Variants in RIF1 observed in about 807,000 individuals in gnomAD.
RIF1 encodes replication timing regulatory factor 1, also known as telomere-associated protein RIF1.
In RIF1, 45 loss-of-function variants were observed where a neutral mutation model predicts 247.1. The observed-to-expected ratio is 0.18, with a 90% CI of 0.14 to 0.23. The LOEUF is 0.23. Among genes scored for constraint, RIF1 ranks in the 10% least tolerant of loss-of-function variants. RIF1 has a pLI of 1.00. For synonymous variants in RIF1, 1,087 were observed against 978.8 expected (o/e 1.11, Z -2.06); for missense variants, 2,967 against 2,862.5 (o/e 1.04, Z -0.83).
chr2:151,420,621 C>G (rs893890316), intron 7 of RIF1, among the ~76,000 whole-genome samples: 2 of 151,188 alleles, frequency 1.3e-5, no homozygotes, highest in African/African-American at 4.9e-5. Flanking sequence ...CCTGTAGTCT[C>G]AGATGCTTGG....
rs1192742379 is a variant in RIF1, at chr2:151,428,494, G to C, written c.787-290G>C. Among the ~76,000 whole-genome samples the C allele has an allele frequency of 5.3e-5, 8 of 151,874 alleles. No individual in the cohort carries two copies. In the East Asian group the frequency reaches 1.6e-3, roughly 30 times the overall value. The stretch of plus-strand genomic sequence containing the variant: ...GATTTATCTGCTCTCCTAATTTTCT[G>C]TTTTAGAAATGTTCTGTGTTGTACA... On this transcript the variant is annotated intron_variant, in intron 8 of 35. Transcript: ENST00000444746.
chr2:151,418,968 CTTTTTTTTTTT>C (rs36020810), intron 6 of RIF1, among the ~76,000 whole-genome samples: 10 of 111,774 alleles, frequency 8.9e-5, no homozygotes, highest in African/African-American at 3.3e-4. Flanking sequence ...GCCTTAAATT[CTTTTTTTTTTT>C]TTTTTTTTTT....
chr2:151,446,320 C>T, intron 19 of RIF1, 106 bp from the exon 20 acceptor site: 1 of 1,081,750 alleles, frequency 9.2e-7, no homozygotes, highest in Non-Finnish European at 1.4e-6. Context: ...TTTTGACACA[C>T]TAAATGTTGC....
Position 151,480,552 on chromosome 2 carries a change from TGAGA to T in RIF1, c.*5484_*5487del, listed in dbSNP as rs369881653. 2.6e-5 allele frequency: 4 copies of T among 152,184 alleles called. No homozygotes were observed. The highest frequency in any genetic ancestry group is 6.5e-5 in the Admixed American group (1 of 15,282). 9.4% of individuals were successfully genotyped at this position (152,184 alleles called of 1,614,324 possible). On this transcript the variant is annotated 3_prime_UTR_variant, in exon 36 of 36. Coordinates refer to ENST00000444746, the MANE Select transcript of RIF1 (RefSeq NM_018151.5). ...TTATAATTGATGTTCATAAATACCCTGAGAGATTATGTTAAAATACATTATTAAT... is the reference window on the plus strand; with the variant it reads ...TTATAATTGATGTTCATAAATACCCTGATTATGTTAAAATACATTATTAAT...
intron 9 of RIF1, chr2:151,490,372 C>T: frequency 6.3e-7 from 1 of 1,587,618 alleles, no homozygotes; most frequent in Non-Finnish European, 8.6e-7. Context: ...GCACTTGTAC[C>T]TGTTGAGACT....
At chr2:151,512,756 G>C, downstream of RIF1, 1 of 1,613,654 alleles carries the variant, frequency 6.2e-7, no homozygotes, top group South Asian at 1.1e-5. Flanking sequence ...TTCTTGACTT[G>C]TTGGGCATGA....
At chr2:151,466,152 C>T (rs751949038) in intron 30 of RIF1, 32 bp downstream of exon 30, 1 of 1,357,410 alleles carries the variant, frequency 7.4e-7, no homozygotes, top group Non-Finnish European at 1.0e-6. Flanking sequence ...ATTAAGGAAC[C>T]CAGTATTTGG....
chr2:151,474,329 C>T (rs1366149080), intron 35 of RIF1, among the ~76,000 whole-genome samples: 1 of 152,184 alleles, frequency 6.6e-6, no homozygotes, highest in African/African-American at 2.4e-5. Flanking sequence ...AAGTAGTCTA[C>T]CATTTTTAAA....
At chr2:151,413,490 G>A (rs1193712798) in intron 3 of RIF1, among the ~76,000 whole-genome samples, 1 of 152,204 alleles carries the variant, frequency 6.6e-6, no homozygotes, top group African/African-American at 2.4e-5. Context: ...AATAGAACAT[G>A]TTTATATGTC....
intron 10 of RIF1, chr2:151,495,472 C>A (rs540891759): frequency 3.2e-5 from 4 of 123,084 alleles, no homozygotes; most frequent in Non-Finnish European, 7.3e-5. Flanking sequence ...TTTAGAAGCA[C>A]TGTACTCAAG....
chr2:151,438,533 A>T, intron 13 of RIF1, 151 bp from the exon 14 acceptor site: 2 of 602,054 alleles, frequency 3.3e-6, no homozygotes, highest in South Asian at 4.0e-5. Context: ...TGTTTTATAA[A>T]CTTACTACAG....
chr2:151,518,233 A>G, the RIF1 span: 18 of 963,254 alleles, frequency 1.9e-5, no homozygotes, highest in Non-Finnish European at 3.4e-6. Flanking sequence ...TTTCTCAAAC[A>G]ATGGAGGGAA....
In RIF1 at chr2:151,436,834, C is replaced by G. The variant is rs1237879076; in HGVS notation, c.1203C>G (p.Ser401=). The G allele has an allele frequency of 3.2e-6, 5 of 1,581,894 alleles. No individual in the cohort carries two copies. The highest frequency in any genetic ancestry group is 1.4e-5 in the African/African-American group (1 of 72,810). ...NPMTPVHKGA[S]SPYGAPGTPR... is the part of the protein sequence containing the mutation. ...TTTTTTTTTTTCTTAAAGGTGCTTC[C>G]TCCCCGTACGGAGCCCCGGGAACTC... is the stretch of plus-strand genomic sequence containing the variant. The change falls in exon 12 of 36, where the codon TCC becomes TCG. Residue 401 remains serine (S), a synonymous_variant. Transcript: ENST00000444746.
intron 10 of RIF1, among the ~76,000 whole-genome samples, chr2:151,433,504 G>T (rs922199661): frequency 6.6e-6 from 1 of 151,952 alleles, no homozygotes; most frequent in Non-Finnish European, 1.5e-5. Flanking sequence ...TCCCAGGATG[G>T]AGTGCAGTGG....
chr2:151,421,446 G>A (rs913396958), intron 7 of RIF1, among the ~76,000 whole-genome samples: 2 of 152,192 alleles, frequency 1.3e-5, no homozygotes, highest in Non-Finnish European at 2.9e-5. Context: ...GGGAACTCTG[G>A]GCAGTATGAC....
At position 151,455,028 on chromosome 2, in the gene RIF1, C is replaced by T. The variant is rs764985969; in HGVS notation, c.2478C>T (p.Thr826=). ...TLSFKEAHSD[T]LFTIGNSITG... ...GCTTCAAGGAAGCACATTCTGATAC[C>T]CTCTTCACTATTGGCAACTCAATCA... Residue 826 remains threonine (T), a synonymous_variant, in exon 22 of 36, where the codon ACC becomes ACT. Transcript: ENST00000444746. 1.7e-5 allele frequency: 27 copies of T among 1,613,632 alleles called. No homozygotes were observed. Among genetic ancestry groups the T allele is most frequent in the Admixed American group, 3.3e-5 (2 of 59,956 alleles).
At position 151,494,220 on chromosome 2, in the gene RIF1, C is replaced by T. The variant is rs199937246; in HGVS notation, c.*416-1009C>T. 280 of 1,605,450 alleles carry T rather than the reference C, an allele frequency of 1.7e-4. No homozygotes were observed. The Middle Eastern group carries it at 1.8e-3, about 10-fold the overall frequency. ...TGCATCTCAGGAGTGACAGGGGTTGCGGTGGCTTTCCCCACATTTTCTTTG... is the reference window on the plus strand; with the variant it reads ...TGCATCTCAGGAGTGACAGGGGTTGTGGTGGCTTTCCCCACATTTTCTTTG... On this transcript the variant is annotated intron_variant and NMD_transcript_variant, in intron 9 of 13. Transcript: ENST00000454583.
chr2:151,421,580 T>C (rs569947498), intron 7 of RIF1, among the ~76,000 whole-genome samples: 1 of 152,132 alleles, frequency 6.6e-6, no homozygotes, highest in Non-Finnish European at 1.5e-5. Flanking sequence ...AAGGTCTTGT[T>C]TTGTTTTTTG....
intron 25 of RIF1, 141 bp downstream of exon 25, chr2:151,459,051 T>C (rs190427111): frequency 7.9e-5 from 43 of 545,416 alleles, no homozygotes; most frequent in East Asian, 4.9e-4. Flanking sequence ...GCCTGAAATT[T>C]CTTTTGTGAT....
Sources: allele counts gnomAD v4.1 joint callset (sites outside exome capture counted in the v4.1 genomes callset), GRCh38; gene constraint gnomAD v4.1.1; transcripts MANE v1.5; gene names NCBI Gene and HGNC (gene_info 2026-07-23, HGNC 2026-07-21).